Variants in LRIG1 observed in about 807,000 individuals in gnomAD.
LRIG1 encodes leucine-rich repeats and immunoglobulin-like domains protein 1.
A neutral mutation model predicts 99.2 loss-of-function variants in LRIG1; 48 were observed. The ratio of observed to expected loss-of-function variants is 0.48; its 90% CI spans 0.38 to 0.62. The LOEUF (loss-of-function observed/expected upper bound fraction) is 0.62. Ranked by LOEUF, LRIG1 falls within the 20% of genes least tolerant of loss-of-function variation. The pLI is 0.00. For missense variants in LRIG1, 1,646 were observed against 1,434.4 expected, an observed-to-expected ratio of 1.15 and a Z score of -2.38; for synonymous variants, 772 against 596.1, an observed-to-expected ratio of 1.29 and a Z score of -4.30.
chr3:66,421,557 A>G (rs1257838335), intron 3 of LRIG1, among the ~76,000 whole-genome samples: 1 of 152,186 alleles, frequency 6.6e-6, no homozygotes, highest in East Asian at 1.9e-4. Flanking sequence ...CTCCACCCCT[A>G]TGGCTTTGCA....
intron 3 of LRIG1, among the ~76,000 whole-genome samples, chr3:66,430,175 C>A (rs3856594): frequency 0.2 from 28,579 of 142,834 alleles, 2,786 homozygotes; most frequent in Admixed American, 0.27. Flanking sequence ...CAAAACAAAA[C>A]AACAACAACA....
At chr3:66,438,450 C>A (rs1178428051) in intron 3 of LRIG1, among the ~76,000 whole-genome samples, 1 of 152,132 alleles carries the variant, frequency 6.6e-6, no homozygotes, top group African/African-American at 2.4e-5. Flanking sequence ...GATACTGAAC[C>A]AGCCCCTCTC....
intron 3 of LRIG1, among the ~76,000 whole-genome samples, chr3:66,437,982 T>C (rs1370969637): frequency 1.3e-5 from 2 of 152,142 alleles, no homozygotes; most frequent in Non-Finnish European, 2.9e-5. Flanking sequence ...AGCTGGGACT[T>C]TGTCCCATAG....
chr3:66,382,378 C>A lies in LRIG1; in HGVS notation c.2512G>T (p.Asp838Tyr), dbSNP rs539555702. Residue 838 changes from aspartate to tyrosine, a missense_variant, in exon 16 of 19, where the codon GAT (aspartate) becomes TAT (tyrosine). Asp to Tyr is a radical substitution (Grantham distance 160). Transcript: ENST00000273261. ...TGAGAAGAGAGGTAGCTTGGAACAT[C>A]TGGTGGCACGACGGTTTCATCTGCA... ...TNTDETVVPP[D>Y]VPSYLSSQGT... The A allele has an allele frequency of 1.2e-6, 2 of 1,614,216 alleles. No individual in the cohort carries two copies. The highest frequency in any genetic ancestry group is 1.7e-6 in the Non-Finnish European group (2 of 1,180,026).
At chr3:66,383,463 G>C (rs1436663176) in intron 14 of LRIG1, 62 bp from the exon 15 acceptor site, 3 of 1,406,660 alleles carry the variant, frequency 2.1e-6, no homozygotes, top group Non-Finnish European at 2.9e-6. Context: ...GGCTCTGCCC[G>C]GTCTTCTGGA....
chr3:66,429,027 G>A (rs1463823879), intron 3 of LRIG1, among the ~76,000 whole-genome samples: 1 of 152,186 alleles, frequency 6.6e-6, no homozygotes, highest in Non-Finnish European at 1.5e-5. Context: ...AACAGCCTCC[G>A]CCAGGCAGGG....
chr3:66,405,160 C>T (rs752096461), intron 9 of LRIG1, 38 bp downstream of exon 9: 61 of 1,585,632 alleles, frequency 3.8e-5, no homozygotes, highest in East Asian at 2.2e-4. Flanking sequence ...GTGTGTCCCG[C>T]GCATTTGCCG....
chr3:66,458,729 A>G lies in LRIG1; in HGVS notation c.290+3709T>C, dbSNP rs140372556. ...AAAAAAGAAAGAAAGAAAATGTTTT[A>G]TATCAGGCCAGGCGTGGTGGCTCAT... On this transcript the variant is annotated intron_variant, in intron 2 of 18. Transcript: ENST00000273261. 4.7e-3 allele frequency among the ~76,000 whole-genome samples: 711 copies of G among 152,026 alleles called. 12 individuals are homozygous for G. Among genetic ancestry groups the G allele is most frequent in the African/African-American group, 0.012 (518 of 41,478 alleles).
rs1338498877 is a variant in LRIG1, at chr3:66,382,587, G to A, written c.2492-189C>T. ...TGCTCAGCTTTACTCTACACCCAGC[G>A]TGAAGAGCGCAGCCAGCAGATGCCA... On this transcript the variant is annotated intron_variant, in intron 15 of 18. Coordinates refer to ENST00000273261, the MANE Select transcript of LRIG1 (RefSeq NM_015541.3). Among the ~76,000 whole-genome samples, 10 of 152,224 alleles carry A rather than the reference G, an allele frequency of 6.6e-5. No individual in the cohort carries two copies. The East Asian group carries it at 7.7e-4, about 12-fold the overall frequency.
chr3:66,412,898 A>G lies in LRIG1; in HGVS notation c.764T>C (p.Phe255Ser). The G allele has an allele frequency of 6.2e-7, 1 of 1,614,178 alleles. No individual in the cohort carries two copies. Residue 255 changes from phenylalanine (F) to serine (S), a missense_variant, in exon 6 of 19, where the codon TTC (phenylalanine) becomes TCC (serine). Physicochemically the swap from Phe to Ser is radical, Grantham distance 155 (BLOSUM62 -2). Transcript: ENST00000273261. ...CACATGCATCTTGGACAGTCCCCAG[A>G]AGGCCCCATCTGTCAGTTTGCTGAT... ...NNISKLTDGA[F>S]WGLSKMHVLH...
chr3:66,381,910 C>T (rs1477453477), intron 16 of LRIG1, among the ~76,000 whole-genome samples: 1 of 152,138 alleles, frequency 6.6e-6, no homozygotes, highest in African/African-American at 2.4e-5. Context: ...CTGGTGACAG[C>T]TTTCCAGTGT....
Position 66,382,152 on chromosome 3 carries a change from A to C in LRIG1, c.2617+121T>G, listed in dbSNP as rs1427955606. On this transcript the variant is annotated intron_variant, in intron 16 of 18. Transcript: ENST00000273261. ...GCAGCCCTTAGTCATACCGCCTTCT[A>C]CTTCACCAAGTTTGCCCCATCTAAT... The C allele has an allele frequency of 1.0e-5, 12 of 1,144,872 alleles. No homozygotes were observed. The South Asian group carries it at 1.5e-4, about 14-fold the overall frequency. 70.9% of individuals were successfully genotyped at this position (1,144,872 alleles called of 1,614,324 possible).
In LRIG1 at chr3:66,441,364, C is replaced by A. The variant is rs1439051066; in HGVS notation, c.365+10195G>T. Among the ~76,000 whole-genome samples the A allele has an allele frequency of 2.6e-5, 4 of 152,182 alleles. No homozygotes were observed. The South Asian group carries it at 8.3e-4, about 32-fold the overall frequency. On this transcript the variant is annotated intron_variant, in intron 3 of 18. Coordinates refer to ENST00000273261, the MANE Select transcript of LRIG1 (RefSeq NM_015541.3). The stretch of plus-strand genomic sequence containing the variant: ...GCCACTATCCGAGAATCTACTGGCA[C>A]AATCGAACACGTTTGGGCTCTGCCG...
At chr3:66,404,557 T>C in intron 9 of LRIG1, 1 of 473,632 alleles carries the variant, frequency 2.1e-6, no homozygotes, top group Non-Finnish European at 3.1e-6. Context: ...TTGCCAGCCG[T>C]GTAGTTTTGG....
intron 1 of LRIG1, among the ~76,000 whole-genome samples, chr3:66,478,985 C>T (rs765611757): frequency 1.4e-4 from 22 of 152,152 alleles, no homozygotes; most frequent in Middle Eastern, 3.2e-3. Flanking sequence ...CCATTAAAAG[C>T]CACCGGGGCC....
rs115714998 is a variant in LRIG1 at position 66,466,740 on chromosome 3, T to C, written c.219-4231A>G. Among the ~76,000 whole-genome samples the C allele has an allele frequency of 4.5e-3, 685 of 152,336 alleles. 12 individuals carry two copies. Among genetic ancestry groups the C allele is most frequent in the African/African-American group, 0.012 (492 of 41,582 alleles). On this transcript the variant is annotated intron_variant, in intron 1 of 18. Coordinates refer to ENST00000273261, the MANE Select transcript of LRIG1 (RefSeq NM_015541.3). ...CTTATTTCTATGAACACGATCGCCC[T>C]GTACCAGGCCTGACATCTGAATGTG...
intron 1 of LRIG1, among the ~76,000 whole-genome samples, chr3:66,494,608 G>C (rs569809291): frequency 1.3e-5 from 2 of 152,274 alleles, no homozygotes; most frequent in East Asian, 3.9e-4. Context: ...TGTTTCAAAA[G>C]ACTATGCATA....
At position 66,395,571 on chromosome 3, in the gene LRIG1, G is replaced by C. The variant is rs550337872; in HGVS notation, c.1305-1368C>G. Among the ~76,000 whole-genome samples the C allele has an allele frequency of 5.3e-5, 8 of 152,308 alleles. No homozygotes were observed. The South Asian group carries it at 1.5e-3, about 28-fold the overall frequency. ...CTTATCTCAAGGCCATTATAACTGG[G>C]ATGCTGGCCCATATTAGATCTTAAA... On this transcript the variant is annotated intron_variant, in intron 11 of 18. Transcript: ENST00000273261.
chr3:66,386,089 T>C lies in LRIG1; in HGVS notation c.1681A>G (p.Ile561Val). The part of the protein sequence containing the change: ...QDGEVMEYTT[I>V]LHLRQVTFGH... ...AAAGTGACCTGACGGAGGTGCAGGA[T>C]GGTGGTGTACTCCATCACTTCCCCG... Residue 561 changes from isoleucine to valine, a missense_variant, in exon 13 of 19, where the codon ATC (isoleucine) becomes GTC (valine). Transcript: ENST00000273261. 6.2e-7 allele frequency: 1 copy of C among 1,614,108 alleles called. No individual in the cohort carries two copies.
Sources: allele counts gnomAD v4.1 joint callset (sites outside exome capture counted in the v4.1 genomes callset), GRCh38; gene constraint gnomAD v4.1.1; transcripts MANE v1.5; gene names NCBI Gene and HGNC (gene_info 2026-07-23, HGNC 2026-07-21).